The following SLC35D4 variants were observed in gnomAD, a reference collection of about 807,000 sequenced individuals.
SLC35D4 encodes UDP-N-acetylglucosamine transporter SLC35D4.
At chr18:23,437,764 C>T in the SLC35D4 span, 2 of 1,607,642 alleles carry the variant, frequency 1.2e-6, no homozygotes, top group East Asian at 2.3e-5. Flanking sequence ...CGCTGCCTCC[C>T]GCGCCCGCCC....
At chr18:23,437,884 G>C in the SLC35D4 span, 3 of 1,598,682 alleles carry the variant, frequency 1.9e-6, no homozygotes, top group Non-Finnish European at 2.6e-6. Flanking sequence ...GGGGATCCAC[G>C]GTGCCTGCCC....
chr18:23,312,995 C>T, the SLC35D4 span, among the ~76,000 whole-genome samples: 135 of 151,812 alleles, frequency 8.9e-4, 1 homozygote, highest in Admixed American at 3.2e-3. Context: ...GGCGTGATGG[C>T]GGGCGCCTGC....
the SLC35D4 span, among the ~76,000 whole-genome samples, chr18:23,336,070 TA>T: frequency 3.0e-4 from 43 of 145,162 alleles, no homozygotes; most frequent in Non-Finnish European, 2.9e-4. Flanking sequence ...AACTGGAAAT[TA>T]AAAAAAAAAA....
chr18:23,307,990 C>T, the SLC35D4 span, among the ~76,000 whole-genome samples: 1 of 152,228 alleles, frequency 6.6e-6, no homozygotes, highest in Admixed American at 6.5e-5. Flanking sequence ...CTCCTGCATA[C>T]CCCCAGGGTC....
chr18:23,409,963 G>A, the SLC35D4 span, among the ~76,000 whole-genome samples: 3 of 151,418 alleles, frequency 2.0e-5, no homozygotes, highest in Non-Finnish European at 4.4e-5. Context: ...CATTTACGTT[G>A]TAATCTAGAG....
At chr18:23,318,818 C>T in the SLC35D4 span, among the ~76,000 whole-genome samples, 2 of 152,022 alleles carry the variant, frequency 1.3e-5, no homozygotes, top group African/African-American at 4.8e-5. Context: ...GTCTAGAAAC[C>T]TTATTTAGTA....
the SLC35D4 span, among the ~76,000 whole-genome samples, chr18:23,408,148 G>GACACACACAC: frequency 8.7e-4 from 118 of 136,318 alleles, no homozygotes; most frequent in African/African-American, 1.7e-3. Context: ...ACTGGCCTGA[G>GACACACACAC]ACACACACAC....
chr18:23,375,611 C>T, the SLC35D4 span, among the ~76,000 whole-genome samples: 1 of 152,128 alleles, frequency 6.6e-6, no homozygotes, highest in Non-Finnish European at 1.5e-5. Context: ...AAAATATTTA[C>T]AGATGAAATG....
chr18:23,329,141 C>T, the SLC35D4 span, among the ~76,000 whole-genome samples: 1 of 152,274 alleles, frequency 6.6e-6, no homozygotes, highest in South Asian at 2.1e-4. Flanking sequence ...AGGACATAGG[C>T]ATGGGCAAGG....
chr18:23,311,126 G>C, the SLC35D4 span, among the ~76,000 whole-genome samples: 1 of 149,690 alleles, frequency 6.7e-6, no homozygotes, highest in Non-Finnish European at 1.5e-5. Flanking sequence ...TTTTGAGACA[G>C]GGTCTCGCTT....
the SLC35D4 span, among the ~76,000 whole-genome samples, chr18:23,307,954 C>T: frequency 6.6e-6 from 1 of 152,008 alleles, no homozygotes; most frequent in South Asian, 2.1e-4. Flanking sequence ...GTCTGCCCTG[C>T]TGAACACCAC....
chr18:23,266,298 A>G, the SLC35D4 span, among the ~76,000 whole-genome samples: 1 of 151,280 alleles, frequency 6.6e-6, no homozygotes, highest in African/African-American at 2.4e-5. Flanking sequence ...CATCAGAGGG[A>G]CTCTGGAAGA....
the SLC35D4 span, among the ~76,000 whole-genome samples, chr18:23,338,237 T>A: frequency 6.6e-6 from 1 of 152,208 alleles, no homozygotes; most frequent in Non-Finnish European, 1.5e-5. Context: ...AATAACTGAT[T>A]AAATATGCAG....
chr18:23,422,398 C>G, the SLC35D4 span, among the ~76,000 whole-genome samples: 1 of 151,926 alleles, frequency 6.6e-6, no homozygotes, highest in Non-Finnish European at 1.5e-5. Flanking sequence ...GGTGGCATTC[C>G]ACCTCACCTC....
chr18:23,257,189 T>C, the SLC35D4 span: 4 of 1,606,346 alleles, frequency 2.5e-6, no homozygotes, highest in Non-Finnish European at 3.4e-6. Flanking sequence ...GATTTTAATT[T>C]CAAAATGAAC....
At chr18:23,318,709 G>A in the SLC35D4 span, among the ~76,000 whole-genome samples, 1 of 152,124 alleles carries the variant, frequency 6.6e-6, no homozygotes, top group Admixed American at 6.5e-5. Context: ...TCAATATCAT[G>A]CTATGTGATA....
the SLC35D4 span, among the ~76,000 whole-genome samples, chr18:23,332,323 A>T: frequency 6.6e-6 from 1 of 152,202 alleles, no homozygotes; most frequent in Non-Finnish European, 1.5e-5. Flanking sequence ...AGCTACCACC[A>T]CCATCTAATT....
the SLC35D4 span, among the ~76,000 whole-genome samples, chr18:23,432,454 G>A: frequency 7.2e-5 from 11 of 152,190 alleles, no homozygotes; most frequent in East Asian, 9.7e-4. Context: ...AAGCCGAGGC[G>A]GGAGGATCAC....
the SLC35D4 span, among the ~76,000 whole-genome samples, chr18:23,380,347 C>G: frequency 6.6e-6 from 1 of 152,126 alleles, no homozygotes; most frequent in African/African-American, 2.4e-5. Flanking sequence ...TGCGGTGTCA[C>G]CCCTGCTGGC....
Sources: allele counts gnomAD v4.1 joint callset (sites outside exome capture counted in the v4.1 genomes callset), GRCh38; gene constraint gnomAD v4.1.1; transcripts MANE v1.5; gene names NCBI Gene and HGNC (gene_info 2026-07-23, HGNC 2026-07-21).